The following MRPS6 variants were observed in gnomAD, a reference collection of about 807,000 sequenced individuals.
MRPS6 encodes the protein small ribosomal subunit protein bS6m.
Under a neutral mutation model 13.1 loss-of-function variants are expected in MRPS6, and 6 were observed. The ratio of observed to expected loss-of-function variants is 0.46; its 90% CI spans 0.25 to 0.91. The LOEUF (loss-of-function observed/expected upper bound fraction) is 0.91. Among genes scored for constraint, MRPS6 ranks in the 40% least tolerant of loss-of-function variants. MRPS6 has a pLI of 0.18. For missense variants in MRPS6, 164 were observed against 155.6 expected (o/e 1.05, Z -0.29); for synonymous variants, 61 against 56.5 (o/e 1.08, Z -0.36).
intron 1 of MRPS6, chr21:34,097,899 C>T (rs762897767): frequency 3.1e-4 from 312 of 996,242 alleles, no homozygotes; most frequent in Non-Finnish European, 3.5e-4. Flanking sequence ...CATGAGCCTA[C>T]GGATTCTGAT....
At chr21:34,125,532 A>AGT (rs781335193) in intron 2 of MRPS6, 52 bp downstream of exon 2, 12 of 1,595,552 alleles carry the variant, frequency 7.5e-6, no homozygotes, top group Non-Finnish European at 1.0e-5. Context: ...CTCAGTAAAG[A>AGT]GTACTGTTCA....
intron 2 of MRPS6, among the ~76,000 whole-genome samples, chr21:34,135,050 C>T (rs1980641007): frequency 6.6e-6 from 1 of 152,062 alleles, no homozygotes; most frequent in Non-Finnish European, 1.5e-5. Flanking sequence ...TATTGGACCC[C>T]TTTTACTCTA....
At chr21:34,097,518 G>A (rs1199266476) in intron 1 of MRPS6, 4 of 1,395,452 alleles carry the variant, frequency 2.9e-6, no homozygotes, top group African/African-American at 2.9e-5. Context: ...TTTTCCCAGA[G>A]ATGGATTAAA....
intron 1 of MRPS6, chr21:34,124,989 A>G (rs1980249549): frequency 6.0e-6 from 1 of 167,432 alleles, no homozygotes; most frequent in Admixed American, 6.3e-5. Context: ...ATTTTGAGTC[A>G]TGGGATACAA....
At chr21:34,099,001 ATTT>A in intron 1 of MRPS6, 1 of 990,560 alleles carries the variant, frequency 1.0e-6, no homozygotes, top group Non-Finnish European at 1.2e-6. Flanking sequence ...AGTCTTTTTA[ATTT>A]TTTTGTAGTC....
At position 34,079,936 on chromosome 21, in the gene MRPS6, T is replaced by A. The variant is rs11910792; in HGVS notation, c.45+6191T>A. Reference sequence around the variant, plus strand: ...GCCTCTGTTATTGCTTATTTCTGTTTATCGCTTCTCTGTCTTCTGTCATCT... The same window carrying A: ...GCCTCTGTTATTGCTTATTTCTGTTAATCGCTTCTCTGTCTTCTGTCATCT... On this transcript the variant is annotated intron_variant, in intron 1 of 2. Coordinates refer to ENST00000399312, the MANE Select transcript of MRPS6 (RefSeq NM_032476.4). Among the ~76,000 whole-genome samples the A allele has an allele frequency of 7.5e-3, 1,138 of 152,252 alleles. 14 individuals carry two copies. The highest frequency in any genetic ancestry group is 0.026 in the African/African-American group (1,091 of 41,524).
rs953374873 is a variant in MRPS6, at chr21:34,118,068, T to C, written c.46-7273T>C. ...ACATTATTTTAAAAATTTTAAAATT[T>C]GGGGTATTTTTGTTTTTGCAGAGCA... is the stretch of plus-strand genomic sequence containing the variant. On this transcript the variant is annotated intron_variant, in intron 1 of 2. Coordinates refer to ENST00000399312, the MANE Select transcript of MRPS6 (RefSeq NM_032476.4). Among the ~76,000 whole-genome samples the C allele has an allele frequency of 2.0e-5, 3 of 152,148 alleles. No homozygotes were observed. The East Asian group carries it at 5.8e-4, about 29-fold the overall frequency.
rs1268928979 is a variant in MRPS6, at chr21:34,073,599, T to A, written c.-102T>A. The A allele has an allele frequency of 3.8e-5, 40 of 1,042,380 alleles. No homozygotes were observed. The highest frequency in any genetic ancestry group is 5.3e-5 in the Non-Finnish European group (39 of 730,092). 64.6% of individuals were successfully genotyped at this position (1,042,380 alleles called of 1,614,324 possible). The stretch of plus-strand genomic sequence containing the variant: ...CCGTGCTTTCGCCGCCTGGGAGCCG[T>A]CCGGCGCAGCAGTTTCTAGGTCCCC... On this transcript the variant is annotated 5_prime_UTR_variant, in exon 1 of 3. Transcript: ENST00000399312.
At position 34,096,929 on chromosome 21, in the gene MRPS6, G is replaced by C. The variant is rs1248453699; in HGVS notation, c.45+23184G>C. 1.2e-6 allele frequency: 2 copies of C among 1,613,990 alleles called. No homozygotes were observed. The highest frequency in any genetic ancestry group is 2.2e-5 in the South Asian group (2 of 91,084). On this transcript the variant is annotated intron_variant, in intron 1 of 2. Coordinates refer to ENST00000399312, the MANE Select transcript of MRPS6 (RefSeq NM_032476.4). This position sits in a 1 kb window ranked among gnomAD's most constrained non-coding sequence, Gnocchi z 5.9. ...AAAAGAGCATTCTGAGATGCAGTGA[G>C]AATAATGAGACCATCAACCACATCA...
chr21:34,131,107 T>C (rs899726842), intron 2 of MRPS6, among the ~76,000 whole-genome samples: 4 of 152,314 alleles, frequency 2.6e-5, no homozygotes, highest in Non-Finnish European at 4.4e-5. Context: ...TACTTATTGA[T>C]TCAATCACCA....
chr21:34,139,978 C>T (rs1254472604), intron 2 of MRPS6, among the ~76,000 whole-genome samples: 1 of 151,944 alleles, frequency 6.6e-6, no homozygotes, highest in Admixed American at 6.6e-5. Flanking sequence ...TATACCTTAC[C>T]TCTTTTTACT....
At chr21:34,105,123 A>G in intron 1 of MRPS6, 2 of 1,000,202 alleles carry the variant, frequency 2.0e-6, no homozygotes, top group South Asian at 9.4e-5. Flanking sequence ...CATTAGTGTC[A>G]GATGATGGTA....
intron 1 of MRPS6, among the ~76,000 whole-genome samples, chr21:34,120,396 C>T (rs1372411838): frequency 6.6e-6 from 1 of 152,192 alleles, no homozygotes; most frequent in Non-Finnish European, 1.5e-5. Context: ...CAAAATACAG[C>T]TTGATTTCTC....
At chr21:34,102,659 T>C in intron 1 of MRPS6, 2 of 1,000,166 alleles carry the variant, frequency 2.0e-6, no homozygotes, top group Non-Finnish European at 2.4e-6. Flanking sequence ...CACAGCTTGC[T>C]TGAAGAGAAA....
At chr21:34,099,693 GAT>G (rs1569418037) in intron 1 of MRPS6, 1 of 997,862 alleles carries the variant, frequency 1.0e-6, no homozygotes, top group Non-Finnish European at 1.2e-6. Flanking sequence ...GTCTTAGTAA[GAT>G]ACATAAGGTA....
chr21:34,097,306 T>C (rs755341560), intron 1 of MRPS6: 14 of 1,610,974 alleles, frequency 8.7e-6, no homozygotes, highest in South Asian at 2.2e-5. Context: ...ATTGGACTTT[T>C]TGCTGTGTGT....
chr21:34,133,558 A>G (rs996761732), intron 2 of MRPS6, among the ~76,000 whole-genome samples: 15 of 152,210 alleles, frequency 9.9e-5, no homozygotes, highest in African/African-American at 3.6e-4. Context: ...TGCTATTTGA[A>G]TAAGTTGAAT....
intron 1 of MRPS6, chr21:34,095,357 C>G: frequency 6.2e-7 from 1 of 1,614,132 alleles, no homozygotes; most frequent in Non-Finnish European, 8.5e-7. Context: ...CAATTGGTGC[C>G]TCTCTGTTTG....
intron 1 of MRPS6, among the ~76,000 whole-genome samples, chr21:34,118,659 C>T (rs1449337466): frequency 1.3e-5 from 2 of 151,254 alleles, no homozygotes; most frequent in East Asian, 3.9e-4. Context: ...GGACTACAGG[C>T]ATACACCACC....
Sources: gnomAD v4.1 joint callset for allele counts (sites outside exome capture counted in the v4.1 genomes callset) on GRCh38, gnomAD v4.1.1 for gene constraint, Gnocchi (gnomAD v3.1) non-coding constraint, MANE v1.5 for transcripts, NCBI Gene and HGNC (gene_info 2026-07-23, HGNC 2026-07-21) for gene names.